MTRES1: variants seen among roughly 807,000 people sequenced by gnomAD.
MTRES1 encodes the protein mitochondrial transcription rescue factor 1, also known as uncharacterized protein C6orf203.
Under a neutral mutation model 17.4 loss-of-function variants are expected in MTRES1, and 11 were observed. The observed-to-expected ratio is 0.63, with a 90% CI of 0.40 to 1.05. MTRES1 has a LOEUF of 1.05. MTRES1 is among the 50% of genes least tolerant of loss of function. The pLI is 0.00. For missense variants in MTRES1, 268 were observed against 276.2 expected, an observed-to-expected ratio of 0.97 and a Z score of 0.21; for synonymous variants, 94 against 99.6, an observed-to-expected ratio of 0.94 and a Z score of 0.34.
At chr6:107,028,295 C>A (rs1554225877) in intron 1 of MTRES1, 24 bp downstream of exon 1, 1 of 152,312 alleles carries the variant, frequency 6.6e-6, no homozygotes, top group African/African-American at 2.4e-5. Flanking sequence ...TGCTGGCGCG[C>A]CGCGCCGGGC....
intron 2 of MTRES1, among the ~76,000 whole-genome samples, chr6:107,042,663 G>A (rs775057319): frequency 5.3e-5 from 8 of 152,170 alleles, no homozygotes; most frequent in Admixed American, 1.3e-4. Flanking sequence ...CTGGCAGAGG[G>A]TTTCTTAATG....
Position 107,044,337 on chromosome 6 carries a change from G to A in MTRES1, c.543+5G>A. 1 of 1,608,820 alleles carries A rather than the reference G, an allele frequency of 6.2e-7. No individual in the cohort carries two copies. Among genetic ancestry groups the A allele is most frequent in the Non-Finnish European group, 8.5e-7 (1 of 1,175,374 alleles). On this transcript the variant is annotated splice_donor_5th_base_variant and intron_variant, in intron 3 of 3. Transcript: ENST00000311381. ...TTATGGAAGAAAAGCAGAACGGTGA[G>A]ATACTAACCTAAAATGACAGCCAGA...
chr6:107,047,854 C>T (rs1220699471), intron 3 of MTRES1, among the ~76,000 whole-genome samples: 1 of 151,944 alleles, frequency 6.6e-6, no homozygotes, highest in Non-Finnish European at 1.5e-5. Flanking sequence ...CCATTGCACT[C>T]CAGCCTGGGC....
chr6:107,050,343 A>C (rs1012789387), intron 3 of MTRES1, among the ~76,000 whole-genome samples: 1 of 152,194 alleles, frequency 6.6e-6, no homozygotes, highest in Non-Finnish European at 1.5e-5. Flanking sequence ...CTGTGCACAC[A>C]GTCTCTAAGA....
At chr6:107,034,130 C>T (rs1773930972) in intron 1 of MTRES1, among the ~76,000 whole-genome samples, 1 of 152,170 alleles carries the variant, frequency 6.6e-6, no homozygotes, top group Admixed American at 6.6e-5. Context: ...TAGTTATTTT[C>T]TGCAAGGAAA....
chr6:107,038,905 T>G (rs1477077881), intron 1 of MTRES1, among the ~76,000 whole-genome samples: 1 of 151,740 alleles, frequency 6.6e-6, no homozygotes, highest in Non-Finnish European at 1.5e-5. Flanking sequence ...AAATACAAAA[T>G]TAGCTGGACG....
intron 1 of MTRES1, among the ~76,000 whole-genome samples, chr6:107,036,802 ATCGCGCCACTGTAC>A (rs2114949003): frequency 1.3e-5 from 2 of 151,018 alleles, no homozygotes; most frequent in African/African-American, 4.9e-5. Context: ...GTGAGCTGAG[ATCGCGCCACTGTAC>A]TCCAGCCTGG....
intron 2 of MTRES1, among the ~76,000 whole-genome samples, chr6:107,042,060 G>A (rs1554227844): frequency 6.6e-6 from 1 of 151,916 alleles, no homozygotes; most frequent in African/African-American, 2.4e-5. Context: ...CATAAAAAGG[G>A]CCGGGTGTGG....
intron 2 of MTRES1, 100 bp from the exon 3 acceptor site, chr6:107,044,160 G>A: frequency 1.3e-6 from 1 of 766,822 alleles, no homozygotes; most frequent in Non-Finnish European, 2.2e-6. Flanking sequence ...GGGTACAAGT[G>A]TAGTTTTGTT....
intron 1 of MTRES1, among the ~76,000 whole-genome samples, chr6:107,031,385 C>A (rs368372918): frequency 4.8e-3 from 470 of 97,492 alleles, no homozygotes; most frequent in East Asian, 6.1e-3. Context: ...GACCCTGTCT[C>A]AAAAAAAAAA....
Position 107,039,780 on chromosome 6 carries a change from A to T in MTRES1, c.20A>T (p.Lys7Ile). 5 of 1,606,882 alleles carry T rather than the reference A, an allele frequency of 3.1e-6. No individual in the cohort carries two copies. The highest frequency in any genetic ancestry group is 4.2e-6 in the Non-Finnish European group (5 of 1,178,440). The change falls in exon 2 of 4, where the codon AAA becomes ATA. Residue 7 changes from lysine to isoleucine, a missense_variant. Transcript: ENST00000311381. ...AGCGCCATGGCTATGGCTAGTGTTAAATTGCTTGCCGGTGTTTTAAGAAAG... is the reference window on the plus strand; with the variant it reads ...AGCGCCATGGCTATGGCTAGTGTTATATTGCTTGCCGGTGTTTTAAGAAAG... MAMASV[K>I]LLAGVLRKPD... is the part of the protein sequence containing the mutation.
intron 1 of MTRES1, 50 bp from the exon 2 acceptor site, chr6:107,039,699 T>C (rs782319906): frequency 6.5e-7 from 1 of 1,537,718 alleles, no homozygotes; most frequent in South Asian, 1.3e-5. Flanking sequence ...GTTGTAATAA[T>C]GTCATGACAC....
chr6:107,041,451 CAT>C (rs1774211755), intron 2 of MTRES1, among the ~76,000 whole-genome samples: 3 of 152,142 alleles, frequency 2.0e-5, no homozygotes. Context: ...AAGTACTCAA[CAT>C]ATGTTGGCTA....
At chr6:107,044,159 T>C (rs1375851626) in intron 2 of MTRES1, 101 bp from the exon 3 acceptor site, 4 of 753,940 alleles carry the variant, frequency 5.3e-6, no homozygotes, top group African/African-American at 1.8e-5. Context: ...AGGGTACAAG[T>C]GTAGTTTTGT....
chr6:107,049,574 C>T (rs9486505), intron 3 of MTRES1, among the ~76,000 whole-genome samples: 45,023 of 151,412 alleles, frequency 0.3, 7,016 homozygotes, highest in East Asian at 0.38. Flanking sequence ...CCACCACACC[C>T]AGCTAATTTT....
intron 2 of MTRES1, among the ~76,000 whole-genome samples, chr6:107,041,804 G>A (rs1774227648): frequency 6.6e-6 from 1 of 152,070 alleles, no homozygotes; most frequent in Non-Finnish European, 1.5e-5. Flanking sequence ...TGGGATTACA[G>A]GCGTGAGCCA....
intron 1 of MTRES1, among the ~76,000 whole-genome samples, chr6:107,029,446 G>A (rs571753811): frequency 6.6e-5 from 10 of 150,926 alleles, no homozygotes; most frequent in Middle Eastern, 3.4e-3. Flanking sequence ...CTAAGCCTCC[G>A]ACAGTGCTGG....
intron 3 of MTRES1, among the ~76,000 whole-genome samples, chr6:107,049,079 T>A (rs1554228814): frequency 6.6e-6 from 1 of 152,152 alleles, no homozygotes; most frequent in Non-Finnish European, 1.5e-5. Flanking sequence ...CTGTTGGGCC[T>A]GCAGAGGTCT....
intron 1 of MTRES1, among the ~76,000 whole-genome samples, chr6:107,035,884 G>C (rs1554226894): frequency 1.3e-5 from 2 of 152,012 alleles, no homozygotes; most frequent in Non-Finnish European, 1.5e-5. Flanking sequence ...CCTGACCTCA[G>C]GTTATCTGCC....
Sources: allele counts gnomAD v4.1 joint callset (sites outside exome capture counted in the v4.1 genomes callset), GRCh38; gene constraint gnomAD v4.1.1; transcripts MANE v1.5; gene names NCBI Gene and HGNC (gene_info 2026-07-23, HGNC 2026-07-21).